TBCK: variants seen among roughly 807,000 people sequenced by gnomAD.
TBCK encodes TBC1 domain containing kinase.
Under a neutral mutation model 113.4 loss-of-function variants are expected in TBCK, and 99 were observed. The ratio of observed to expected loss-of-function variants is 0.87; its 90% CI spans 0.74 to 1.03. The LOEUF is 1.03. Among genes scored for constraint, TBCK ranks in the 50% least tolerant of loss-of-function variants. The pLI, the probability that TBCK is intolerant of heterozygous loss-of-function variation, is 0.00. For synonymous variants in TBCK, 369 were observed against 370.8 expected, an observed-to-expected ratio of 1.00 and a Z score of 0.05; for missense variants, 1,045 against 1,061.3, an observed-to-expected ratio of 0.98 and a Z score of 0.21.
At chr4:106,251,558 T>C (rs1383637054) in intron 6 of TBCK, among the ~76,000 whole-genome samples, 1 of 151,972 alleles carries the variant, frequency 6.6e-6, no homozygotes, top group Non-Finnish European at 1.5e-5. Context: ...AAACTTTTAA[T>C]GGTACTCCAT....
At chr4:106,095,421 C>T in intron 25 of TBCK, 61 bp downstream of exon 25, 1 of 1,471,350 alleles carries the variant, frequency 6.8e-7, no homozygotes, top group South Asian at 1.3e-5. Flanking sequence ...AGATAACCTT[C>T]ATATAGAAGG....
chr4:106,118,522 G>A (rs1452781546), intron 23 of TBCK, among the ~76,000 whole-genome samples: 1 of 152,168 alleles, frequency 6.6e-6, no homozygotes, highest in Non-Finnish European at 1.5e-5. Flanking sequence ...TTTGAAATCA[G>A]CAAGCCATAC....
At chr4:106,153,344 A>G (rs1748738379) in intron 23 of TBCK, among the ~76,000 whole-genome samples, 1 of 151,884 alleles carries the variant, frequency 6.6e-6, no homozygotes, top group Admixed American at 6.6e-5. Flanking sequence ...ATGCTGTTTA[A>G]TTTCCATGTG....
At chr4:106,148,681 T>C (rs1031192605) in intron 23 of TBCK, among the ~76,000 whole-genome samples, 1 of 152,184 alleles carries the variant, frequency 6.6e-6, no homozygotes, top group African/African-American at 2.4e-5. Flanking sequence ...TGTGCTGTCA[T>C]CCAGACTTGG....
At chr4:106,297,997 A>G (rs539962511) in intron 2 of TBCK, among the ~76,000 whole-genome samples, 2 of 152,200 alleles carry the variant, frequency 1.3e-5, no homozygotes, top group Non-Finnish European at 1.5e-5. Flanking sequence ...ATTATTACTC[A>G]TTATTCAGGG....
chr4:106,198,793 C>T (rs1370472591), intron 20 of TBCK, among the ~76,000 whole-genome samples: 2 of 151,972 alleles, frequency 1.3e-5, no homozygotes, highest in Admixed American at 6.6e-5. Flanking sequence ...GTGCTAAATG[C>T]CACGTGTCCC....
At chr4:106,149,334 T>C (rs905339712) in intron 23 of TBCK, among the ~76,000 whole-genome samples, 1 of 152,240 alleles carries the variant, frequency 6.6e-6, no homozygotes, top group African/African-American at 2.4e-5. Flanking sequence ...AGAAGAAGTC[T>C]AGCTTTTGGG....
intron 3 of TBCK, among the ~76,000 whole-genome samples, chr4:106,267,682 T>G (rs897870129): frequency 2.0e-5 from 3 of 152,004 alleles, no homozygotes; most frequent in African/African-American, 4.8e-5. Context: ...AAGATGTTGA[T>G]AGTTTCTAGG....
At chr4:106,186,421 C>T (rs1753034288) in intron 22 of TBCK, among the ~76,000 whole-genome samples, 1 of 152,088 alleles carries the variant, frequency 6.6e-6, no homozygotes, top group African/African-American at 2.4e-5. Context: ...TTAATCATAG[C>T]CATTCTGACT....
At chr4:106,175,298 A>G (rs79909961) in intron 22 of TBCK, among the ~76,000 whole-genome samples, 206 of 151,612 alleles carry the variant, frequency 1.4e-3, no homozygotes, top group African/African-American at 4.8e-3. Flanking sequence ...AGCTTTCCTC[A>G]GAGATTTTGT....
At chr4:106,210,122 T>TA (rs1219874255) in intron 20 of TBCK, among the ~76,000 whole-genome samples, 2 of 152,036 alleles carry the variant, frequency 1.3e-5, no homozygotes, top group Non-Finnish European at 2.9e-5. Context: ...TATGTTTGTA[T>TA]AAAAAACAGC....
chr4:106,303,424 T>C (rs1171027011), intron 2 of TBCK, among the ~76,000 whole-genome samples: 1 of 152,220 alleles, frequency 6.6e-6, no homozygotes, highest in African/African-American at 2.4e-5. Context: ...TGTACATATG[T>C]ATATACACAT....
intron 17 of TBCK, 25 bp from the exon 18 acceptor site, chr4:106,231,804 G>T: frequency 6.3e-7 from 1 of 1,595,516 alleles, no homozygotes; most frequent in Non-Finnish European, 8.6e-7. Context: ...TTGGGAGAAA[G>T]AAGTCAAATA....
intron 24 of TBCK, among the ~76,000 whole-genome samples, chr4:106,101,303 C>T (rs1289674766): frequency 6.6e-6 from 1 of 152,094 alleles, no homozygotes; most frequent in Admixed American, 6.5e-5. Context: ...GAAGACATTG[C>T]TCAGCAGTTG....
At chr4:106,243,833 C>T (rs1760452826) in intron 11 of TBCK, among the ~76,000 whole-genome samples, 1 of 151,984 alleles carries the variant, frequency 6.6e-6, no homozygotes. Context: ...GGACTACAGG[C>T]ACACAACACC....
intron 23 of TBCK, among the ~76,000 whole-genome samples, chr4:106,143,829 G>A (rs1579034556): frequency 2.0e-5 from 3 of 151,552 alleles, no homozygotes; most frequent in Admixed American, 6.6e-5. Flanking sequence ...CAGGAGAATC[G>A]CTTGAACCCA....
At chr4:106,099,858 T>C (rs775584401) in intron 24 of TBCK, among the ~76,000 whole-genome samples, 10 of 152,160 alleles carry the variant, frequency 6.6e-5, no homozygotes, top group Non-Finnish European at 1.3e-4. Flanking sequence ...AGAGAAAAAA[T>C]TTAAAAGCAA....
chr4:106,277,457 G>T (rs1454267147), intron 3 of TBCK, among the ~76,000 whole-genome samples: 1 of 152,038 alleles, frequency 6.6e-6, no homozygotes, highest in East Asian at 1.9e-4. Flanking sequence ...AGTTCAACAA[G>T]AGAAAATTGA....
At chr4:106,193,815 CAATT>C (rs775148889) in intron 21 of TBCK, 45 bp from the exon 22 acceptor site, 2 of 1,241,958 alleles carry the variant, frequency 1.6e-6, no homozygotes, top group African/African-American at 1.5e-5. Flanking sequence ...ACCAAAATAA[CAATT>C]AAAACAATAA....
Sources: allele counts gnomAD v4.1 joint callset (sites outside exome capture counted in the v4.1 genomes callset), GRCh38; gene constraint gnomAD v4.1.1; transcripts MANE v1.5; gene names NCBI Gene and HGNC (gene_info 2026-07-23, HGNC 2026-07-21).